The following ACTR5 variants were observed in gnomAD, a reference collection of about 807,000 sequenced individuals.
ACTR5 encodes actin-related protein 5.
A neutral mutation model predicts 61.2 loss-of-function variants in ACTR5; 43 were observed. The ratio of observed to expected loss-of-function variants is 0.70; its 90% CI spans 0.55 to 0.91. The LOEUF is 0.91. ACTR5 is among the 40% of genes least tolerant of loss of function. The pLI is 0.00. For missense variants in ACTR5, 798 were observed against 782.2 expected (o/e 1.02, Z -0.24); for synonymous variants, 333 against 310.5 (o/e 1.07, Z -0.76).
intron 5 of ACTR5, among the ~76,000 whole-genome samples, chr20:38,760,935 C>T (rs1601199943): frequency 6.6e-6 from 1 of 151,700 alleles, no homozygotes; most frequent in African/African-American, 2.4e-5. Flanking sequence ...GTAATTTATC[C>T]TTCAGACATT....
rs2084523407 is a variant in ACTR5, at chr20:38,772,095, A to G, written c.*279A>G. On this transcript the variant is annotated 3_prime_UTR_variant, in exon 9 of 9. Coordinates refer to ENST00000243903, the MANE Select transcript of ACTR5 (RefSeq NM_024855.4). ...CATCAGCTTCCTGGAGCAGTAAATG[A>G]AGACAGAGTGGAGGACACAAATGTA... 4.3e-6 allele frequency: 2 copies of G among 466,356 alleles called. No individual in the cohort carries two copies. Among genetic ancestry groups the G allele is most frequent in the East Asian group, 7.1e-5 (2 of 28,010 alleles). 28.9% of individuals were successfully genotyped at this position (466,356 alleles called of 1,614,324 possible). A position where few individuals can be genotyped will look rare whatever the true frequency, so the allele number is the denominator to read the frequency against.
chr20:38,748,540 C>G lies in ACTR5; in HGVS notation c.62C>G (p.Ala21Gly), dbSNP rs771270079. 6.6e-7 allele frequency: 1 copy of G among 1,509,812 alleles called. No homozygotes were observed. Among genetic ancestry groups the G allele is most frequent in the South Asian group, 1.2e-5 (1 of 80,598 alleles). The allele number at this position is 1,509,812 out of a possible 1,614,324, so 93.5% of individuals were successfully genotyped here. A position where few individuals can be genotyped will look rare whatever the true frequency, so the allele number is the denominator to read the frequency against. Residue 21 changes from alanine (A) to glycine (G), a missense_variant, in exon 1 of 9, where the codon GCC (alanine) becomes GGC (glycine). Transcript: ENST00000243903. ...ARAAPDPVLE[A>G]GPVAHGPLPV... The stretch of plus-strand genomic sequence containing the variant: ...GCCGCACCGGACCCAGTGCTGGAGG[C>G]CGGCCCGGTGGCACACGGGCCACTG...
intron 2 of ACTR5, among the ~76,000 whole-genome samples, chr20:38,751,590 G>A (rs906873576): frequency 2.0e-5 from 3 of 152,168 alleles, no homozygotes; most frequent in African/African-American, 7.2e-5. Flanking sequence ...TAAGTTCCTA[G>A]TGCTCTGCCA....
intron 5 of ACTR5, among the ~76,000 whole-genome samples, chr20:38,763,077 G>C (rs2084464315): frequency 6.6e-6 from 1 of 152,182 alleles, no homozygotes; most frequent in South Asian, 2.1e-4. Flanking sequence ...ACTGTTTCCA[G>C]CTCTAGTACT....
Position 38,767,489 on chromosome 20 carries a change from C to T in ACTR5, c.1459C>T (p.Leu487=). 2 of 1,613,968 alleles carry T rather than the reference C, an allele frequency of 1.2e-6. No homozygotes were observed. Residue 487 remains leucine, a synonymous_variant, in exon 8 of 9, where the codon CTG becomes TTG. Transcript: ENST00000243903. The part of the protein sequence containing the change: ...DRYPKDIQEM[L]VQNVFLTGGN... ...GTACCCAAAGGACATTCAGGAAATGCTGGTTCAGAACGTTTTCCTCACTGG... is the reference window on the plus strand; with the variant it reads ...GTACCCAAAGGACATTCAGGAAATGTTGGTTCAGAACGTTTTCCTCACTGG...
chr20:38,766,514 T>A, intron 7 of ACTR5, 137 bp downstream of exon 7: 2 of 1,159,532 alleles, frequency 1.7e-6, no homozygotes, highest in Non-Finnish European at 2.4e-6. Flanking sequence ...TGTGCTCAGA[T>A]AGTATTCCCT....
chr20:38,748,527 C>T lies in ACTR5; in HGVS notation c.49C>T (p.Pro17Ser), dbSNP rs1167437099. Residue 17 changes from proline to serine, a missense_variant, in exon 1 of 9, where the codon CCA becomes TCA. By Grantham distance (74) the Pro-to-Ser change is moderately conservative. Coordinates refer to ENST00000243903, the MANE Select transcript of ACTR5 (RefSeq NM_024855.4). Reference protein sequence around the residue: ...PFRDARAAPDPVLEAGPVAHG... With the variant: ...PFRDARAAPDSVLEAGPVAHG... Reference sequence around the variant, plus strand: ...CCGCGACGCCCGTGCCGCACCGGACCCAGTGCTGGAGGCCGGCCCGGTGGC... The same window carrying T: ...CCGCGACGCCCGTGCCGCACCGGACTCAGTGCTGGAGGCCGGCCCGGTGGC... 2.0e-6 allele frequency: 3 copies of T among 1,506,388 alleles called. No homozygotes were observed. Among genetic ancestry groups the T allele is most frequent in the Admixed American group, 2.2e-5 (1 of 46,164 alleles). 93.3% of individuals were successfully genotyped at this position (1,506,388 alleles called of 1,614,324 possible).
intron 5 of ACTR5, among the ~76,000 whole-genome samples, chr20:38,762,293 C>G (rs1601200837): frequency 6.6e-6 from 1 of 152,332 alleles, no homozygotes; most frequent in East Asian, 1.9e-4. Flanking sequence ...AGTGTGGCCA[C>G]TGGTTTCCAA....
At chr20:38,762,014 T>G (rs2084458000) in intron 5 of ACTR5, among the ~76,000 whole-genome samples, 1 of 152,164 alleles carries the variant, frequency 6.6e-6, no homozygotes, top group Non-Finnish European at 1.5e-5. Context: ...CAAAAACCAT[T>G]CCAAACTTAG....
intron 3 of ACTR5, among the ~76,000 whole-genome samples, chr20:38,754,004 A>G (rs1463908308): frequency 2.7e-5 from 4 of 150,788 alleles, no homozygotes; most frequent in African/African-American, 9.8e-5. Flanking sequence ...TTCTGTATTT[A>G]CCACTTCAAG....
chr20:38,765,745 T>G (rs2145675795), intron 6 of ACTR5, among the ~76,000 whole-genome samples: 1 of 152,278 alleles, frequency 6.6e-6, no homozygotes, highest in South Asian at 2.1e-4. Context: ...GCAGAAACAT[T>G]TGGTAAAGTA....
Position 38,755,169 on chromosome 20 carries a change from G to T in ACTR5, c.988G>T (p.Val330Leu), listed in dbSNP as rs1280569857. 1 of 1,607,122 alleles carries T rather than the reference G, an allele frequency of 6.2e-7. No individual in the cohort carries two copies. Among genetic ancestry groups the T allele is most frequent in the Non-Finnish European group, 8.5e-7 (1 of 1,176,666 alleles). ...DQERLDRLLY[V>L]QELLEDGQMD... ...GGAGCGTCTGGACCGACTGCTATAT[G>T]TGCAGGTAATAGCAGACACAGGGAC... The change falls in exon 4 of 9, where the codon GTG (valine) becomes TTG (leucine). Residue 330 changes from valine (V) to leucine (L), a missense_variant. By Grantham distance (32) the Val-to-Leu change is conservative. Transcript: ENST00000243903.
At chr20:38,757,881 A>G (rs988552862) in intron 5 of ACTR5, among the ~76,000 whole-genome samples, 1 of 151,182 alleles carries the variant, frequency 6.6e-6, no homozygotes, top group East Asian at 1.9e-4. Flanking sequence ...GATCAGCCTC[A>G]GTTGAATCAG....
At position 38,755,011 on chromosome 20, in the gene ACTR5, A is replaced by G; in HGVS notation, c.830A>G (p.Gln277Arg). The G allele has an allele frequency of 6.2e-7, 1 of 1,614,258 alleles. No homozygotes were observed. The highest frequency in any genetic ancestry group is 8.5e-7 in the Non-Finnish European group (1 of 1,180,050). Reference protein sequence around the residue: ...DYYENNVHKMQLPFSSKLLGS... With the variant: ...DYYENNVHKMRLPFSSKLLGS... The stretch of plus-strand genomic sequence containing the variant: ...TATGAGAATAATGTCCACAAGATGC[A>G]GCTCCCATTTTCCAGCAAGCTCCTG... Residue 277 changes from glutamine (Q) to arginine (R), a missense_variant, in exon 4 of 9, where the codon CAG (glutamine) becomes CGG (arginine). Gln to Arg is a conservative substitution (Grantham distance 43, BLOSUM62 1). Coordinates refer to ENST00000243903, the MANE Select transcript of ACTR5 (RefSeq NM_024855.4).
rs555326383 is a variant in ACTR5 at position 38,758,991 on chromosome 20, A to ATTC, written c.1176+2954_1176+2956dup. Among the ~76,000 whole-genome samples, 7 of 152,316 alleles carry ATTC rather than the reference A, an allele frequency of 4.6e-5. No individual in the cohort carries two copies. The East Asian group carries it at 1.3e-3, about 29-fold the overall frequency. On this transcript the variant is annotated intron_variant, in intron 5 of 8. Transcript: ENST00000243903. ...AGACCAATCTATTCTGACCCTTGCT[A>ATTC]TTCTGCAGTTGTTTCTGTGAGGATG...
intron 2 of ACTR5, among the ~76,000 whole-genome samples, chr20:38,751,094 A>G (rs2084384665): frequency 6.6e-6 from 1 of 152,142 alleles, no homozygotes; most frequent in Non-Finnish European, 1.5e-5. Context: ...ACTGTCTGAT[A>G]AGAGCCTAGG....
At chr20:38,751,218 T>A (rs1446830655) in intron 2 of ACTR5, among the ~76,000 whole-genome samples, 1 of 152,190 alleles carries the variant, frequency 6.6e-6, no homozygotes, top group African/African-American at 2.4e-5. Context: ...CATTTCCTGA[T>A]ACGTAAAATT....
At chr20:38,752,399 C>T (rs1176402541) in intron 3 of ACTR5, 99 bp downstream of exon 3, 5 of 1,310,500 alleles carry the variant, frequency 3.8e-6, no homozygotes, top group Non-Finnish European at 5.1e-6. Context: ...ACTTTTTAAG[C>T]ACCTCCTTCC....
Position 38,756,039 on chromosome 20 carries a change from G to A in ACTR5, c.1176G>A (p.Glu392=). ...TGGATGTGGTAGACAGCAAGCCAGAGGTAACTTAGGGCCTTGGAAGGAGCA... is the reference window on the plus strand; with the variant it reads ...TGGATGTGGTAGACAGCAAGCCAGAAGTAACTTAGGGCCTTGGAAGGAGCA... ...LEVDVVDSKP[E]TPDLEQLEPS... Residue 392 remains glutamate, a splice_region_variant and synonymous_variant, in exon 5 of 9, where the codon GAG becomes GAA. Transcript: ENST00000243903. 2.5e-6 allele frequency: 4 copies of A among 1,610,958 alleles called. 1 individual carries two copies. The South Asian group carries it at 4.4e-5, about 18-fold the overall frequency.
Sources: gnomAD v4.1 joint callset for allele counts (sites outside exome capture counted in the v4.1 genomes callset) on GRCh38, gnomAD v4.1.1 for gene constraint, MANE v1.5 for transcripts, NCBI Gene and HGNC (gene_info 2026-07-23, HGNC 2026-07-21) for gene names.